Variants in CHRNB4 observed in about 807,000 individuals in gnomAD.
CHRNB4 encodes the protein cholinergic receptor nicotinic beta 4 subunit.
In CHRNB4, 23 loss-of-function variants were observed where a neutral mutation model predicts 40.4. That is an observed-to-expected ratio of 0.57 (90% CI 0.41 to 0.81). The LOEUF (loss-of-function observed/expected upper bound fraction) is 0.81, where lower values mean the gene tolerates loss of function less well. Ranked by LOEUF, CHRNB4 falls within the 30% of genes least tolerant of loss-of-function variation. The probability of loss-of-function intolerance (pLI) is 0.00; values close to 1 mark genes in which losing one functional copy is unlikely to be tolerated. For missense variants in CHRNB4, 568 were observed against 670.6 expected (o/e 0.85, Z 1.69); for synonymous variants, 285 against 274.4 (o/e 1.04, Z -0.38).
At chr15:78,651,494 CAG>C (rs2054171447) in intron 6 of CHRNB4, among the ~76,000 whole-genome samples, 1 of 152,204 alleles carries the variant, frequency 6.6e-6, no homozygotes, top group African/African-American at 2.4e-5. Context: ...CACAGCTGCC[CAG>C]AGACCTCTCC....
intron 7 of CHRNB4, among the ~76,000 whole-genome samples, chr15:78,646,872 G>T (rs1363027629): frequency 6.6e-6 from 1 of 152,208 alleles, no homozygotes; most frequent in East Asian, 1.9e-4. Context: ...TGGGTGTGGT[G>T]GTTCATACCT....
At chr15:78,638,618 G>A (rs1340368114) in intron 1 of CHRNB4, among the ~76,000 whole-genome samples, 1 of 75,730 alleles carries the variant, frequency 1.3e-5, no homozygotes, top group African/African-American at 3.7e-5. Flanking sequence ...TGAGTGTATG[G>A]CCGGGGGGCC....
intron 6 of CHRNB4, among the ~76,000 whole-genome samples, chr15:78,652,211 C>T (rs945609456): frequency 1.3e-5 from 2 of 152,236 alleles, no homozygotes; most frequent in African/African-American, 4.8e-5. Context: ...GCCATAGTCT[C>T]CCAGGCCCTG....
chr15:78,644,736 A>G (rs2054108977), upstream of CHRNB4, among the ~76,000 whole-genome samples: 2 of 152,200 alleles, frequency 1.3e-5, no homozygotes, highest in Admixed American at 1.3e-4. Flanking sequence ...TCACCAAATT[A>G]ATCTATAAAT....
chr15:78,639,171 G>A (rs1385513083), intron 1 of CHRNB4, among the ~76,000 whole-genome samples: 1 of 152,196 alleles, frequency 6.6e-6, no homozygotes, highest in African/African-American at 2.4e-5. Flanking sequence ...ACTACAGAAA[G>A]TAACAGTTAA....
intron 5 of CHRNB4, 115 bp downstream of exon 5, chr15:78,628,852 T>C (rs2053722321): frequency 1.9e-5 from 25 of 1,335,102 alleles, no homozygotes; most frequent in Non-Finnish European, 2.3e-5. Flanking sequence ...GGATTCCTTA[T>C]TCAGAGTTTG....
At chr15:78,649,397 G>A (rs959145487) in exon 7 of CHRNB4, 1 of 455,294 alleles carries the variant, frequency 2.2e-6, no homozygotes, top group Non-Finnish European at 4.4e-6. Context: ...ATATGATCTG[G>A]AGCTGGGGCC....
At chr15:78,656,550 C>T (rs1014874191) in exon 4 of CHRNB4, 1 of 146,590 alleles carries the variant, frequency 6.8e-6, no homozygotes, top group Admixed American at 6.8e-5. Flanking sequence ...TAACACAAAG[C>T]AAAAAAAAAA....
intron 6 of CHRNB4, among the ~76,000 whole-genome samples, chr15:78,649,764 A>G (rs1405501200): frequency 1.3e-5 from 2 of 152,192 alleles, no homozygotes; most frequent in Non-Finnish European, 2.9e-5. Context: ...TGCACGAGTG[A>G]TAAACTCTAA....
In CHRNB4 at chr15:78,628,949, G is replaced by A. The variant is rs377155329; in HGVS notation, c.1338+18C>T. 1.3e-6 allele frequency: 2 copies of A among 1,596,980 alleles called. No individual in the cohort carries two copies. Among genetic ancestry groups the A allele is most frequent in the Non-Finnish European group, 1.7e-6 (2 of 1,168,226 alleles). On this transcript the variant is annotated intron_variant, in intron 5 of 5. Coordinates refer to ENST00000261751, the MANE Select transcript of CHRNB4 (RefSeq NM_000750.5). ...CCTTTCTGTTGGGCAGGTGGGCAGG[G>A]GCTGGTTAGCAACTTACACTCTGGT...
At chr15:78,636,822 G>A (rs764216051) in intron 1 of CHRNB4, among the ~76,000 whole-genome samples, 1 of 152,056 alleles carries the variant, frequency 6.6e-6, no homozygotes, top group African/African-American at 2.4e-5. Context: ...ATTATCTGAG[G>A]GTCTATCTTG....
intron 1 of CHRNB4, 103 bp downstream of exon 1, chr15:78,640,976 C>T: frequency 2.3e-6 from 3 of 1,309,802 alleles, no homozygotes; most frequent in East Asian, 2.8e-5. Flanking sequence ...TCGGGCCACT[C>T]CCCCGGGCGC....
chr15:78,639,193 TGGAAA>T (rs760251103), intron 1 of CHRNB4, among the ~76,000 whole-genome samples: 3 of 152,226 alleles, frequency 2.0e-5, no homozygotes, highest in Non-Finnish European at 4.4e-5. Context: ...AGAATCTTAT[TGGAAA>T]GATTAGATTC....
At chr15:78,632,540 A>C (rs1236136612) in intron 2 of CHRNB4, among the ~76,000 whole-genome samples, 3 of 152,066 alleles carry the variant, frequency 2.0e-5, no homozygotes, top group Non-Finnish European at 4.4e-5. Flanking sequence ...CAAATTCCTG[A>C]GCTAAAGTGA....
chr15:78,632,239 CTCTCTCTCTCTCTCTCTT>C, intron 2 of CHRNB4, among the ~76,000 whole-genome samples: 3 of 86,976 alleles, frequency 3.4e-5, no homozygotes, highest in African/African-American at 2.4e-4. Flanking sequence ...CTCTCTCTCT[CTCTCTCTCTCTCTCTCTT>C]TCTTTCTTTC....
chr15:78,634,582 C>A (rs542876531), intron 2 of CHRNB4: 106 of 377,376 alleles, frequency 2.8e-4, no homozygotes, highest in African/African-American at 1.8e-3. Context: ...GTGGGCCAAC[C>A]GTGCTAGAGA....
upstream of CHRNB4, chr15:78,661,179 G>A: frequency 8.1e-6 from 5 of 617,822 alleles, no homozygotes; most frequent in Non-Finnish European, 1.6e-5. Context: ...CTTGGCCCTT[G>A]AGAGAACCAA....
upstream of CHRNB4, among the ~76,000 whole-genome samples, chr15:78,642,481 G>A (rs963921500): frequency 6.6e-6 from 1 of 152,180 alleles, no homozygotes; most frequent in African/African-American, 2.4e-5. Context: ...GGATAAGCGG[G>A]GACCAAAAGA....
At chr15:78,630,138 C>T (rs894700786) in intron 4 of CHRNB4, among the ~76,000 whole-genome samples, 193 bp from the exon 5 acceptor site, 1 of 125,028 alleles carries the variant, frequency 8.0e-6, no homozygotes. Context: ...CATCAAAGCA[C>T]CCCCCTTTTT....
Sources: gnomAD v4.1 joint callset for allele counts (sites outside exome capture counted in the v4.1 genomes callset) on GRCh38, gnomAD v4.1.1 for gene constraint, MANE v1.5 for transcripts, NCBI Gene and HGNC (gene_info 2026-07-23, HGNC 2026-07-21) for gene names.